NWD1: variants seen among roughly 807,000 people sequenced by gnomAD.
NWD1 encodes the protein NACHT domain- and WD repeat-containing protein 1.
NWD1 carries 129 observed loss-of-function variants against 135.1 expected under a neutral mutation model. That is an observed-to-expected ratio of 0.96 (90% CI 0.83 to 1.11). NWD1 has a LOEUF of 1.11. NWD1 is among the 50% of genes least tolerant of loss of function. NWD1 has a pLI of 0.00. For missense variants in NWD1, 1,740 were observed against 1,851.3 expected (o/e 0.94, Z 1.10); for synonymous variants, 773 against 786.0 (o/e 0.98, Z 0.28).
chr19:16,788,874 T>C lies in NWD1; in HGVS notation c.2732-108T>C. On this transcript the variant is annotated intron_variant, in intron 12 of 18. Transcript: ENST00000524140. ...GACTTTCACAATTCAATTCCATCCA[T>C]CTTTTCTTTGGTAAATGAGGGTATT... The C allele has an allele frequency of 5.2e-6, 4 of 765,654 alleles. No homozygotes were observed. The South Asian group carries it at 6.4e-5, about 12-fold the overall frequency. The allele number at this position is 765,654 out of a possible 1,614,324, so 47.4% of individuals were successfully genotyped here. A position where few individuals can be genotyped will look rare whatever the true frequency, so the allele number is the denominator to read the frequency against.
rs1599463057 is a variant in NWD1, at chr19:16,749,897, A to G, written c.1255A>G (p.Thr419Ala). The change falls in exon 6 of 19, where the codon ACC becomes GCC. Residue 419 changes from threonine to alanine, a missense_variant. Thr to Ala is a moderately conservative substitution (Grantham distance 58). Transcript: ENST00000524140. ...AHTRVVQFFH[T>A]LLHTVSCRNF... ...CACCAGGGTGGTCCAGTTTTTCCATACCCTCCTCCACACTGTCTCTTGCAG... is the reference window on the plus strand; with the variant it reads ...CACCAGGGTGGTCCAGTTTTTCCATGCCCTCCTCCACACTGTCTCTTGCAG... The G allele has an allele frequency of 6.2e-7, 1 of 1,612,842 alleles. No homozygotes were observed. Among genetic ancestry groups the G allele is most frequent in the Non-Finnish European group, 8.5e-7 (1 of 1,179,908 alleles).
At chr19:16,790,638 A>AAAT (rs1555730369) in intron 13 of NWD1, among the ~76,000 whole-genome samples, 23 of 56,966 alleles carry the variant, frequency 4.0e-4, no homozygotes, top group African/African-American at 6.1e-4. Flanking sequence ...ACATTAAAAA[A>AAAT]AAATAAATAA....
chr19:16,765,266 T>A, intron 10 of NWD1, 74 bp downstream of exon 10: 1 of 1,389,324 alleles, frequency 7.2e-7, no homozygotes, highest in Non-Finnish European at 9.9e-7. Flanking sequence ...CCTCATTGAG[T>A]CATGAGCTGG....
chr19:16,724,053 C>T (rs1967236823), intron 1 of NWD1, among the ~76,000 whole-genome samples: 1 of 152,088 alleles, frequency 6.6e-6, no homozygotes, highest in Non-Finnish European at 1.5e-5. Context: ...TGAGGGTGCT[C>T]TTGGGGAATC....
At chr19:16,731,059 C>G in intron 2 of NWD1, 133 bp from the exon 3 acceptor site, 1 of 555,168 alleles carries the variant, frequency 1.8e-6, no homozygotes, top group Non-Finnish European at 3.2e-6. Context: ...GCCTGGGCAA[C>G]ATAGCGAGAT....
chr19:16,809,034 T>C (rs746758620), intron 18 of NWD1, among the ~76,000 whole-genome samples: 8 of 151,962 alleles, frequency 5.3e-5, no homozygotes, highest in Non-Finnish European at 1.0e-4. Context: ...CTAGCCTGGG[T>C]GATAGAGCAA....
intron 10 of NWD1, among the ~76,000 whole-genome samples, chr19:16,767,169 T>C (rs1019401528): frequency 2.4e-4 from 1 of 4,090 alleles, no homozygotes; most frequent in African/African-American, 5.5e-3. Context: ...AGGTGCGTCT[T>C]TTTTTTTTTT....
At position 16,749,433 on chromosome 19, in the gene NWD1, A is replaced by T. The variant is rs375494759; in HGVS notation, c.791A>T (p.Glu264Val). 8.1e-6 allele frequency: 13 copies of T among 1,613,636 alleles called. No individual in the cohort carries two copies. The African/African-American group carries it at 1.5e-4, about 18-fold the overall frequency. Residue 264 changes from glutamate (E) to valine (V), a missense_variant, in exon 6 of 19, where the codon GAG becomes GTG. Coordinates refer to ENST00000524140, the MANE Select transcript of NWD1 (RefSeq NM_001007525.5). ...AAGACTCACGCCTGCTACCTGAAGGAGCTGGGTGAGCAGTTTGTGGTGAGG... is the reference window on the plus strand; with the variant it reads ...AAGACTCACGCCTGCTACCTGAAGGTGCTGGGTGAGCAGTTTGTGGTGAGG... ...KNKTHACYLK[E>V]LGEQFVVRAN...
At chr19:16,721,026 T>C (rs1967115440) in intron 1 of NWD1, among the ~76,000 whole-genome samples, 1 of 152,024 alleles carries the variant, frequency 6.6e-6, no homozygotes, top group Non-Finnish European at 1.5e-5. Context: ...ATTTTTGTAT[T>C]TTTAGTAGAG....
At chr19:16,725,708 A>G (rs1885512501) in intron 2 of NWD1, among the ~76,000 whole-genome samples, 1 of 151,838 alleles carries the variant, frequency 6.6e-6, no homozygotes, top group Non-Finnish European at 1.5e-5. Flanking sequence ...GCTCAGGACC[A>G]TGCCTGGCTT....
At chr19:16,726,430 G>T (rs911285397) in intron 2 of NWD1, among the ~76,000 whole-genome samples, 11 of 151,562 alleles carry the variant, frequency 7.3e-5, no homozygotes, top group Non-Finnish European at 4.4e-5. Flanking sequence ...ATTTTAAACT[G>T]TTTTCTTTCT....
rs144979257 is a variant in NWD1 at position 16,730,061 on chromosome 19, C to T, written c.-6-1131C>T. On this transcript the variant is annotated intron_variant, in intron 2 of 18. Coordinates refer to ENST00000524140, the MANE Select transcript of NWD1 (RefSeq NM_001007525.5). Reference sequence around the variant, plus strand: ...TTTATGGGCCGGGCGCAGTGGCTCACGCCTGTGATCCCAGCACTTTGGGAG... The same window carrying T: ...TTTATGGGCCGGGCGCAGTGGCTCATGCCTGTGATCCCAGCACTTTGGGAG... Among the ~76,000 whole-genome samples, 862 of 152,260 alleles carry T rather than the reference C, an allele frequency of 5.7e-3. 9 individuals carry two copies. Among genetic ancestry groups the T allele is most frequent in the African/African-American group, 0.019 (793 of 41,558 alleles).
chr19:16,777,499 A>G (rs556536902), intron 11 of NWD1, among the ~76,000 whole-genome samples: 49 of 8,976 alleles, frequency 5.5e-3, no homozygotes, highest in South Asian at 6.2e-3. Context: ...AAAGGGGAGG[A>G]AAGGGAAGGG....
At chr19:16,734,263 T>C (rs892199086) in intron 3 of NWD1, among the ~76,000 whole-genome samples, 1 of 152,088 alleles carries the variant, frequency 6.6e-6, no homozygotes, top group Admixed American at 6.6e-5. Context: ...AAAAAAGCTT[T>C]TCTGTCAGGG....
chr19:16,720,508 T>C (rs905565515), intron 1 of NWD1, among the ~76,000 whole-genome samples: 1 of 151,778 alleles, frequency 6.6e-6, no homozygotes, highest in Admixed American at 6.6e-5. Context: ...GACTAGGGGG[T>C]TCTCGAGTAA....
At position 16,789,092 on chromosome 19, in the gene NWD1, A is replaced by G. The variant is rs201205274; in HGVS notation, c.2842A>G (p.Ile948Val). The G allele has an allele frequency of 6.2e-7, 1 of 1,613,878 alleles. No individual in the cohort carries two copies. Among genetic ancestry groups the G allele is most frequent in the Non-Finnish European group, 8.5e-7 (1 of 1,179,878 alleles). The change falls in exon 13 of 19, where the codon ATT (isoleucine) becomes GTT (valine). Residue 948 changes from isoleucine to valine, a missense_variant. By Grantham distance (29) the Ile-to-Val change is conservative. Coordinates refer to ENST00000524140, the MANE Select transcript of NWD1 (RefSeq NM_001007525.5). Reference sequence around the variant, plus strand: ...ACTCTCTGGCCAGGAGAAATTTACCATTTGGGATGGAGGCTCAAAAAATCC... The same window carrying G: ...ACTCTCTGGCCAGGAGAAATTTACCGTTTGGGATGGAGGCTCAAAAAATCC... ...NLLSGQEKFT[I>V]WDGGSKNPAE... is the part of the protein sequence containing the mutation.
intron 8 of NWD1, among the ~76,000 whole-genome samples, chr19:16,762,840 A>G (rs769648563): frequency 7.3e-5 from 11 of 150,874 alleles, no homozygotes; most frequent in Non-Finnish European, 1.6e-4. Flanking sequence ...GCTGGAGTTC[A>G]CTGGCATGAT....
chr19:16,737,792 T>C lies in NWD1; in HGVS notation c.198+1042T>C, dbSNP rs541400152. On this transcript the variant is annotated intron_variant, in intron 4 of 18. Coordinates refer to ENST00000524140, the MANE Select transcript of NWD1 (RefSeq NM_001007525.5). ...ATTGAGACCAGCCTGGGCAACATAG[T>C]GAAGTCCCATATCTACTAAAAAATT... Among the ~76,000 whole-genome samples, 5 of 151,580 alleles carry C rather than the reference T, an allele frequency of 3.3e-5. No homozygotes were observed. The South Asian group carries it at 8.3e-4, about 25-fold the overall frequency.
intron 13 of NWD1, among the ~76,000 whole-genome samples, chr19:16,790,637 A>AT (rs1243342283): frequency 2.9e-4 from 12 of 41,874 alleles, no homozygotes; most frequent in African/African-American, 7.3e-4. Flanking sequence ...AACATTAAAA[A>AT]AAAATAAATA....
Sources: gnomAD v4.1 joint callset for allele counts (sites outside exome capture counted in the v4.1 genomes callset) on GRCh38, gnomAD v4.1.1 for gene constraint, MANE v1.5 for transcripts, NCBI Gene and HGNC (gene_info 2026-07-23, HGNC 2026-07-21) for gene names.